The following POR variants were observed in gnomAD, a reference collection of about 807,000 sequenced individuals.
POR encodes the protein NADPH--cytochrome P450 reductase.
A neutral mutation model predicts 84.0 loss-of-function variants in POR; 56 were observed. The ratio of observed to expected loss-of-function variants is 0.67; its 90% confidence interval spans 0.54 to 0.83. The LOEUF (loss-of-function observed/expected upper bound fraction) is 0.83. POR is among the 40% of genes least tolerant of loss of function. POR has a pLI of 0.00. For synonymous variants in POR, 414 were observed against 400.5 expected (o/e 1.03, Z -0.40); for missense variants, 938 against 944.3 (o/e 0.99, Z 0.09).
chr7:75,936,540 G>A (rs1348912706), intron 1 of POR, among the ~76,000 whole-genome samples: 2 of 152,112 alleles, frequency 1.3e-5, no homozygotes, highest in African/African-American at 4.8e-5. Flanking sequence ...CCCTTTTGGG[G>A]AAGCCATGTT....
chr7:75,953,637 C>T (rs1787550816), intron 1 of POR, among the ~76,000 whole-genome samples: 1 of 152,182 alleles, frequency 6.6e-6, no homozygotes, highest in African/African-American at 2.4e-5. Context: ...CCGCCTGCCC[C>T]CCGTGCGGTG....
intron 1 of POR, among the ~76,000 whole-genome samples, chr7:75,937,576 G>C (rs1807762526): frequency 6.6e-6 from 1 of 151,328 alleles, no homozygotes; most frequent in South Asian, 2.1e-4. Flanking sequence ...GAGGTCAGGA[G>C]TTTGAGACCA....
intron 6 of POR, 73 bp from the exon 7 acceptor site, chr7:75,981,444 C>A (rs1789035211): frequency 2.1e-6 from 3 of 1,419,372 alleles, no homozygotes; most frequent in South Asian, 1.2e-5. Context: ...GGGGTCGGGG[C>A]GTGCCTGGCA....
chr7:75,983,865 C>CAA lies in POR; in HGVS notation c.1066+10_1066+11insAA. 6.3e-7 allele frequency: 1 copy of CAA among 1,592,808 alleles called. No homozygotes were observed. The highest frequency in any genetic ancestry group is 2.3e-5 in the East Asian group (1 of 44,220). On this transcript the variant is annotated intron_variant, in intron 10 of 15. Transcript: ENST00000461988. ...CCTGAACAACCTGGATGGTGAGTGC[C>CAA]ACAGTCAGGGCGCCCTGCCGGGCTC...
chr7:75,963,806 G>A (rs553648539), intron 2 of POR, among the ~76,000 whole-genome samples: 3 of 152,194 alleles, frequency 2.0e-5, no homozygotes, highest in East Asian at 1.9e-4. Context: ...CAGGGGTCGT[G>A]GGGGGTCAGA....
intron 3 of POR, among the ~76,000 whole-genome samples, chr7:75,974,524 CTT>C (rs1238804117): frequency 1.2e-4 from 13 of 107,900 alleles, no homozygotes; most frequent in South Asian, 3.2e-4. Context: ...TTTTTCTTTT[CTT>C]TTTTTTTTTT....
intron 1 of POR, chr7:75,946,697 T>C (rs934922610): frequency 5.2e-5 from 8 of 152,404 alleles, no homozygotes; most frequent in African/African-American, 1.9e-4. Context: ...CTGGTCTAGT[T>C]CTTGTTTGCT....
At chr7:75,973,232 C>A (rs1788519509) in intron 3 of POR, among the ~76,000 whole-genome samples, 1 of 152,104 alleles carries the variant, frequency 6.6e-6, no homozygotes, top group East Asian at 1.9e-4. Context: ...CCCCACTGTT[C>A]TTATTATTTA....
Position 75,980,821 on chromosome 7 carries a change from G to A in POR, c.517-227G>A, listed in dbSNP as rs146999504. 330 of 1,225,440 alleles carry A rather than the reference G, an allele frequency of 2.7e-4. 1 individual carries two copies. Among genetic ancestry groups the A allele is most frequent in the African/African-American group, 2.5e-3 (162 of 65,888 alleles). The allele number at this position is 1,225,440 out of a possible 1,614,324, so 75.9% of individuals were successfully genotyped here. ...GTGGGCTGGCCCCGCTTCCCTGTGG[G>A]TTGAGGCTGGCAGTGGACGGGGCAG... On this transcript the variant is annotated intron_variant, in intron 5 of 15. Transcript: ENST00000461988.
intron 2 of POR, among the ~76,000 whole-genome samples, chr7:75,970,742 C>T (rs1270276713): frequency 6.7e-6 from 1 of 149,900 alleles, no homozygotes; most frequent in Admixed American, 6.6e-5. Context: ...AAGCGAGACT[C>T]CATCTCAAAA....
In POR at chr7:75,984,820, CCGCACGG is replaced by C; in HGVS notation, c.1112_1118del (p.Arg371ProfsTer48). On this transcript the variant is annotated frameshift_variant, in exon 11 of 16. Coordinates refer to ENST00000461988, the MANE Select transcript of POR (RefSeq NM_000941.3). LOFTEE classifies it high-confidence loss of function. The stretch of plus-strand genomic sequence containing the variant: ...ACCCATTCCCGTGCCCTACGTCCTA[CCGCACGG>C]CCCTCACCTACTACCTGGACATCAC... The C allele has an allele frequency of 6.2e-7, 1 of 1,612,670 alleles. No homozygotes were observed. The highest frequency in any genetic ancestry group is 8.5e-7 in the Non-Finnish European group (1 of 1,179,824).
chr7:75,964,683 A>G (rs1307276784), intron 2 of POR, among the ~76,000 whole-genome samples: 6 of 152,176 alleles, frequency 3.9e-5, no homozygotes, highest in African/African-American at 1.4e-4. Context: ...AATTTTATAC[A>G]TATATTTAAA....
intron 1 of POR, among the ~76,000 whole-genome samples, chr7:75,926,345 C>T (rs1034538516): frequency 4.6e-5 from 7 of 152,180 alleles, no homozygotes; most frequent in African/African-American, 1.7e-4. Flanking sequence ...GTTTCTTGCC[C>T]TTTAGTAGGT....
Position 75,983,446 on chromosome 7 carries a change from C to T in POR, c.831-74C>T, listed in dbSNP as rs1318214581. 3.7e-6 allele frequency: 4 copies of T among 1,070,380 alleles called. No homozygotes were observed. In the East Asian group the frequency reaches 7.1e-5, roughly 19 times the overall value. The allele number at this position is 1,070,380 out of a possible 1,614,324, so 66.3% of individuals were successfully genotyped here. A position where few individuals can be genotyped will look rare whatever the true frequency, so the allele number is the denominator to read the frequency against. On this transcript the variant is annotated intron_variant, in intron 8 of 15. Coordinates refer to ENST00000461988, the MANE Select transcript of POR (RefSeq NM_000941.3). Reference sequence around the variant, plus strand: ...TGAGATTCCCTGTGCTTTGTGCAACCAGAAGCGTCCTTGGAGACGGAGACT... The same window carrying T: ...TGAGATTCCCTGTGCTTTGTGCAACTAGAAGCGTCCTTGGAGACGGAGACT...
At chr7:75,969,680 G>A (rs554321406) in intron 2 of POR, among the ~76,000 whole-genome samples, 2 of 152,326 alleles carry the variant, frequency 1.3e-5, no homozygotes, top group East Asian at 3.9e-4. Flanking sequence ...CTGATGCCAG[G>A]TCAGACCTCA....
At chr7:75,946,315 C>T (rs28591379) in intron 1 of POR, among the ~76,000 whole-genome samples, 11,847 of 151,970 alleles carry the variant, frequency 0.078, 1,456 homozygotes, top group African/African-American at 0.26. Flanking sequence ...GAGACAGGAC[C>T]TCACTCTGTT....
chr7:75,967,532 C>T (rs940993536), intron 2 of POR, among the ~76,000 whole-genome samples: 1 of 152,064 alleles, frequency 6.6e-6, no homozygotes, highest in Admixed American at 6.6e-5. Flanking sequence ...GATTGTGTGG[C>T]GCCCTGGCAG....
At chr7:75,968,945 C>T (rs1227761083) in intron 2 of POR, among the ~76,000 whole-genome samples, 1 of 152,218 alleles carries the variant, frequency 6.6e-6, no homozygotes. Flanking sequence ...AGTTGCCATC[C>T]CTTGGCACCC....
At chr7:75,969,124 G>A (rs1463129708) in intron 2 of POR, among the ~76,000 whole-genome samples, 2 of 152,206 alleles carry the variant, frequency 1.3e-5, no homozygotes, top group Non-Finnish European at 2.9e-5. Flanking sequence ...CGTGAACTGT[G>A]CCATCCATCT....
Sources: allele counts gnomAD v4.1 joint callset (sites outside exome capture counted in the v4.1 genomes callset), GRCh38; gene constraint gnomAD v4.1.1; transcripts MANE v1.5; gene names NCBI Gene and HGNC (gene_info 2026-07-23, HGNC 2026-07-21).